Variants in SAE1 observed in about 807,000 individuals in gnomAD.
The protein encoded by SAE1 is SUMO-activating enzyme subunit 1.
In SAE1, 11 loss-of-function variants were observed where a neutral mutation model predicts 40.6. The observed-to-expected ratio is 0.27, with a 90% CI of 0.17 to 0.45. The LOEUF (loss-of-function observed/expected upper bound fraction) is 0.45, where lower values mean the gene tolerates loss of function less well. Among genes scored for constraint, SAE1 ranks in the 20% least tolerant of loss-of-function variants. The pLI, the probability that SAE1 is intolerant of heterozygous loss-of-function variation, is 1.00. For synonymous variants in SAE1, 155 were observed against 154.3 expected, an observed-to-expected ratio of 1.00 and a Z score of -0.03; for missense variants, 373 against 427.3, an observed-to-expected ratio of 0.87 and a Z score of 1.12.
chr19:47,155,060 C>A lies in SAE1; in HGVS notation c.528-54C>A, dbSNP rs1427126379. 3.5e-6 allele frequency: 4 copies of A among 1,149,458 alleles called. No homozygotes were observed. In the African/African-American group the frequency reaches 4.7e-5, roughly 13 times the overall value. 71.2% of individuals were successfully genotyped at this position (1,149,458 alleles called of 1,614,324 possible). ...GACCTGGAGAGGCTTTTTTTGATTC[C>A]AATAACATGATTCCTAGGGTAAAAT... On this transcript the variant is annotated intron_variant, in intron 4 of 8. Coordinates refer to ENST00000270225, the MANE Select transcript of SAE1 (RefSeq NM_005500.3).
chr19:47,168,711 C>A (rs982627268), intron 5 of SAE1, among the ~76,000 whole-genome samples: 1 of 152,156 alleles, frequency 6.6e-6, no homozygotes, highest in African/African-American at 2.4e-5. Context: ...TCAAGCGATT[C>A]TCCTGCCTCA....
intron 7 of SAE1, among the ~76,000 whole-genome samples, chr19:47,201,795 G>A (rs1479277906): frequency 1.3e-5 from 2 of 151,874 alleles, no homozygotes; most frequent in African/African-American, 4.8e-5. Flanking sequence ...CACCACACCC[G>A]GCTAACTTTT....
At chr19:47,139,275 C>G (rs2058202463) in intron 1 of SAE1, among the ~76,000 whole-genome samples, 1 of 152,222 alleles carries the variant, frequency 6.6e-6, no homozygotes, top group Non-Finnish European at 1.5e-5. Flanking sequence ...ATCTCCTGAA[C>G]TCATGGTCCT....
chr19:47,207,849 T>A (rs546414475), intron 8 of SAE1, among the ~76,000 whole-genome samples: 7 of 152,304 alleles, frequency 4.6e-5, no homozygotes, highest in Non-Finnish European at 8.8e-5. Context: ...TTGCCCAGGC[T>A]GGTCTCGAAC....
chr19:47,203,845 C>T (rs1217079190), intron 8 of SAE1, 105 bp downstream of exon 8: 6 of 1,025,728 alleles, frequency 5.8e-6, no homozygotes, highest in Admixed American at 1.9e-5. Flanking sequence ...TCTCTCACCC[C>T]ATTCATCTTT....
chr19:47,200,364 CTGGGA>C (rs1429992114), intron 7 of SAE1, among the ~76,000 whole-genome samples: 2 of 148,694 alleles, frequency 1.3e-5, no homozygotes, highest in Non-Finnish European at 3.0e-5. Flanking sequence ...TCTTGCGTAG[CTGGGA>C]CTATAGGCGT....
intron 2 of SAE1, among the ~76,000 whole-genome samples, chr19:47,148,668 G>T (rs1304872742): frequency 6.7e-6 from 1 of 150,216 alleles, no homozygotes; most frequent in African/African-American, 2.4e-5. Flanking sequence ...AGGCTGGAGT[G>T]CAGTGGCACG....
rs911559240 is a variant in SAE1, at chr19:47,131,958, C to G, written c.98+930C>G. Among the ~76,000 whole-genome samples, 3 of 151,900 alleles carry G rather than the reference C, an allele frequency of 2.0e-5. No individual in the cohort carries two copies. In the East Asian group the frequency reaches 5.8e-4, roughly 29 times the overall value. ...TCAAGTGATCCACCCGCCTCGGCCT[C>G]CTGAAGTGCTGGGATTACAGGAGTG... On this transcript the variant is annotated intron_variant, in intron 1 of 8. Coordinates refer to ENST00000270225, the MANE Select transcript of SAE1 (RefSeq NM_005500.3).
intron 7 of SAE1, among the ~76,000 whole-genome samples, chr19:47,198,182 T>C (rs1434630133): frequency 6.6e-6 from 1 of 152,042 alleles, no homozygotes; most frequent in Non-Finnish European, 1.5e-5. Context: ...CAATCTCAAC[T>C]CACCGCAACT....
chr19:47,169,239 T>G (rs571912519), intron 5 of SAE1, among the ~76,000 whole-genome samples: 3 of 151,884 alleles, frequency 2.0e-5, no homozygotes, highest in Non-Finnish European at 2.9e-5. Context: ...CAGCCAGAGG[T>G]TTTTTAGTTT....
intron 5 of SAE1, among the ~76,000 whole-genome samples, chr19:47,159,682 T>A (rs1209393455): frequency 6.6e-6 from 1 of 152,068 alleles, no homozygotes; most frequent in Non-Finnish European, 1.5e-5. Flanking sequence ...CCTGGCTAAT[T>A]TTTAATTTTT....
At chr19:47,131,444 G>C (rs144960507) in intron 1 of SAE1, among the ~76,000 whole-genome samples, 426 of 152,214 alleles carry the variant, frequency 2.8e-3, no homozygotes, top group African/African-American at 9.6e-3. Context: ...TGCACACAGG[G>C]GAGACTGGAC....
intron 8 of SAE1, among the ~76,000 whole-genome samples, chr19:47,207,570 T>C (rs2058692732): frequency 6.6e-6 from 1 of 152,194 alleles, no homozygotes; most frequent in East Asian, 1.9e-4. Context: ...GAAAGATGTA[T>C]GTGCATACAA....
At chr19:47,178,495 G>T (rs544462665) in intron 6 of SAE1, among the ~76,000 whole-genome samples, 1 of 152,296 alleles carries the variant, frequency 6.6e-6, no homozygotes, top group South Asian at 2.1e-4. Flanking sequence ...TTATTTTTGA[G>T]ACAGAGTCTA....
intron 6 of SAE1, among the ~76,000 whole-genome samples, chr19:47,177,197 C>T (rs780694570): frequency 6.6e-5 from 10 of 152,300 alleles, no homozygotes; most frequent in Non-Finnish European, 1.0e-4. Flanking sequence ...ATTTTGTGAG[C>T]ACCTGCTATG....
chr19:47,156,850 G>A (rs1600166637), intron 5 of SAE1, among the ~76,000 whole-genome samples: 1 of 152,182 alleles, frequency 6.6e-6, no homozygotes, highest in Non-Finnish European at 1.5e-5. Context: ...ATCAGAAGAC[G>A]ATGGTTTCTG....
intron 2 of SAE1, among the ~76,000 whole-genome samples, chr19:47,147,212 T>G (rs894548477): frequency 5.2e-4 from 72 of 138,976 alleles, no homozygotes; most frequent in African/African-American, 1.2e-3. Flanking sequence ...TTTTTTTTTT[T>G]TTTTTTTTTT....
intron 3 of SAE1, among the ~76,000 whole-genome samples, chr19:47,151,652 T>C (rs189032134): frequency 3.0e-4 from 45 of 152,340 alleles, no homozygotes; most frequent in Admixed American, 1.8e-3. Flanking sequence ...CTTGGAAGGA[T>C]GGATCATCTG....
At chr19:47,146,456 A>G (rs1274078611) in intron 2 of SAE1, among the ~76,000 whole-genome samples, 1 of 152,196 alleles carries the variant, frequency 6.6e-6, no homozygotes, top group African/African-American at 2.4e-5. Flanking sequence ...CAGGAAGCAC[A>G]CAGATGTGAG....
Sources: allele counts gnomAD v4.1 joint callset (sites outside exome capture counted in the v4.1 genomes callset), GRCh38; gene constraint gnomAD v4.1.1; transcripts MANE v1.5; gene names NCBI Gene and HGNC (gene_info 2026-07-23, HGNC 2026-07-21).